Variants in GPAT4 observed in about 807,000 individuals in gnomAD.
The protein encoded by GPAT4 is glycerol-3-phosphate acyltransferase 4.
GPAT4 carries 17 observed loss-of-function variants against 58.0 expected under a neutral mutation model. The ratio of observed to expected loss-of-function variants is 0.29; its 90% CI spans 0.20 to 0.44. The LOEUF is 0.44. Ranked by LOEUF, GPAT4 falls within the 20% of genes least tolerant of loss-of-function variation. The probability of loss-of-function intolerance (pLI) is 1.00; values close to 1 mark genes in which losing one functional copy is unlikely to be tolerated. For missense variants in GPAT4, 377 were observed against 574.5 expected, an observed-to-expected ratio of 0.66 and a Z score of 3.51; for synonymous variants, 204 against 210.1, an observed-to-expected ratio of 0.97 and a Z score of 0.25.
In GPAT4 at chr8:41,609,865, C is replaced by G. The variant is rs759404870; in HGVS notation, c.446C>G (p.Thr149Ser). The G allele has an allele frequency of 6.2e-7, 1 of 1,614,210 alleles. No homozygotes were observed. Among genetic ancestry groups the G allele is most frequent in the Non-Finnish European group, 8.5e-7 (1 of 1,180,036 alleles). The change falls in exon 4 of 13, where the codon ACC becomes AGC. Residue 149 changes from threonine (T) to serine (S), a missense_variant. Coordinates refer to ENST00000396987, the MANE Select transcript of GPAT4 (RefSeq NM_178819.4). ...ELESWNLLSR[T>S]NYNFQYISLR... ...GAGTCCTGGAACCTGCTGAGCAGAACCAATTATAACTTCCAGTACATCAGC... is the reference window on the plus strand; with the variant it reads ...GAGTCCTGGAACCTGCTGAGCAGAAGCAATTATAACTTCCAGTACATCAGC...
intron 1 of GPAT4, among the ~76,000 whole-genome samples, chr8:41,580,570 C>T (rs1409674354): frequency 6.6e-6 from 1 of 152,182 alleles, no homozygotes; most frequent in African/African-American, 2.4e-5. Flanking sequence ...GATATTCTGC[C>T]TCTCCAAGGA....
intron 1 of GPAT4, among the ~76,000 whole-genome samples, chr8:41,586,608 G>A (rs371096377): frequency 2.0e-5 from 3 of 152,102 alleles, no homozygotes; most frequent in African/African-American, 7.2e-5. Flanking sequence ...AAGCAAATCC[G>A]CTTTTTCTAG....
At chr8:41,590,259 G>T (rs1563269455) in intron 1 of GPAT4, among the ~76,000 whole-genome samples, 1 of 152,046 alleles carries the variant, frequency 6.6e-6, no homozygotes, top group Non-Finnish European at 1.5e-5. Flanking sequence ...GCTAATTTTT[G>T]TATTTTTAGT....
chr8:41,594,834 C>T (rs1004105524), intron 1 of GPAT4, among the ~76,000 whole-genome samples: 3 of 152,086 alleles, frequency 2.0e-5, no homozygotes, highest in Non-Finnish European at 2.9e-5. Context: ...CGTAAGCCAC[C>T]GTGCCCGGCC....
chr8:41,591,123 T>C (rs971964673), intron 1 of GPAT4, among the ~76,000 whole-genome samples: 1 of 152,040 alleles, frequency 6.6e-6, no homozygotes, highest in African/African-American at 2.4e-5. Flanking sequence ...TTGTGATCGA[T>C]TGGGCAAGCA....
Position 41,609,837 on chromosome 8 carries a change from C to A in GPAT4, c.418C>A (p.Leu140Met). 6.2e-7 allele frequency: 1 copy of A among 1,614,238 alleles called. No homozygotes were observed. The highest frequency in any genetic ancestry group is 8.5e-7 in the Non-Finnish European group (1 of 1,180,050). Residue 140 changes from leucine (L) to methionine (M), a missense_variant, in exon 4 of 13, where the codon CTG becomes ATG. Transcript: ENST00000396987. ...GACAAAGAGATTCTCAGCAGAAGAA[C>A]TGGAGTCCTGGAACCTGCTGAGCAG... ...EVTKRFSAEE[L>M]ESWNLLSRTN...
At chr8:41,600,696 T>C (rs143914168) in intron 2 of GPAT4, among the ~76,000 whole-genome samples, 189 of 152,268 alleles carry the variant, frequency 1.2e-3, no homozygotes, top group Non-Finnish European at 2.2e-3. Flanking sequence ...TTGTTTTCTG[T>C]CCAATTCACA....
chr8:41,611,903 G>C lies in GPAT4; in HGVS notation c.612G>C (p.Arg204Ser), dbSNP rs767946041. The change falls in exon 6 of 13, where the codon AGG (arginine) becomes AGC (serine). Residue 204 changes from arginine (R) to serine (S), a missense_variant and splice_region_variant. Arg to Ser is a moderately radical substitution (Grantham distance 110). Transcript: ENST00000396987. The stretch of plus-strand genomic sequence containing the variant: ...CAGAATCCTTGTCCTGTTATTGCAG[G>C]TTTAAGGAGTTCATGAGTAAACATG... Reference protein sequence around the residue: ...TTVVGYLPNGRFKEFMSKHVH... With the variant: ...TTVVGYLPNGSFKEFMSKHVH... 2 of 1,614,140 alleles carry C rather than the reference G, an allele frequency of 1.2e-6. No individual in the cohort carries two copies. The highest frequency in any genetic ancestry group is 4.5e-5 in the East Asian group (2 of 44,890).
intron 12 of GPAT4, 78 bp from the exon 13 acceptor site, chr8:41,620,815 G>A (rs1803726065): frequency 7.2e-6 from 11 of 1,532,492 alleles, no homozygotes; most frequent in African/African-American, 1.4e-5. Flanking sequence ...TGTTTGGGCA[G>A]CATGGTGCAT....
chr8:41,603,475 G>A (rs1443568725), intron 2 of GPAT4, among the ~76,000 whole-genome samples: 1 of 149,326 alleles, frequency 6.7e-6, no homozygotes, highest in Non-Finnish European at 1.5e-5. Flanking sequence ...GCAGTGTACG[G>A]AGATCCCGCC....
At position 41,605,201 on chromosome 8, in the gene GPAT4, A is replaced by G. The variant is rs114778466; in HGVS notation, c.166-4215A>G. The stretch of plus-strand genomic sequence containing the variant: ...ACTGTGCTGAAATGCACATAGGGGT[A>G]AGTTCTGGCTGCCGCCTCTTGAGGT... On this transcript the variant is annotated intron_variant, in intron 2 of 12. Coordinates refer to ENST00000396987, the MANE Select transcript of GPAT4 (RefSeq NM_178819.4). Among the ~76,000 whole-genome samples the G allele has an allele frequency of 3.0e-3, 458 of 152,330 alleles. 3 individuals carry two copies. The highest frequency in any genetic ancestry group is 0.01 in the African/African-American group (424 of 41,574).
At chr8:41,581,631 T>C (rs1041087548) in intron 1 of GPAT4, among the ~76,000 whole-genome samples, 1 of 146,106 alleles carries the variant, frequency 6.8e-6, no homozygotes, top group Non-Finnish European at 1.5e-5. Context: ...TTGACTTTTT[T>C]TTTTTTTTTT....
Position 41,615,045 on chromosome 8 carries a change from C to G in GPAT4, c.1050C>G (p.Ile350Met), listed in dbSNP as rs1212167469. The change falls in exon 10 of 13, where the codon ATC becomes ATG. Residue 350 changes from isoleucine (I) to methionine (M), a missense_variant. Ile to Met is a conservative substitution (Grantham distance 10). Coordinates refer to ENST00000396987, the MANE Select transcript of GPAT4 (RefSeq NM_178819.4). ...EIGATVYPVA[I>M]KYDPQFGDAF... Reference sequence around the variant, plus strand: ...GAGCCACAGTTTACCCTGTTGCTATCAAGGTATAAGACCTCCGATGGTACA... The same window carrying G: ...GAGCCACAGTTTACCCTGTTGCTATGAAGGTATAAGACCTCCGATGGTACA... 2 of 1,612,302 alleles carry G rather than the reference C, an allele frequency of 1.2e-6. No homozygotes were observed. The highest frequency in any genetic ancestry group is 1.7e-6 in the Non-Finnish European group (2 of 1,178,330).
rs1803829113 is a variant in GPAT4 at position 41,623,794 on chromosome 8, C to T, written c.*2793C>T. ...ATCTTCATTGTGGTTCTCAGACAGC[C>T]TTTTTTACTCAAACATGAGACTTTC... On this transcript the variant is annotated 3_prime_UTR_variant, in exon 13 of 13. Coordinates refer to ENST00000396987, the MANE Select transcript of GPAT4 (RefSeq NM_178819.4). 6.6e-6 allele frequency: 1 copy of T among 152,046 alleles called. No individual in the cohort carries two copies. Among genetic ancestry groups the T allele is most frequent in the Admixed American group, 6.5e-5 (1 of 15,276 alleles). 9.4% of individuals were successfully genotyped at this position (152,046 alleles called of 1,614,324 possible).
chr8:41,596,868 G>A (rs889058858), intron 1 of GPAT4, among the ~76,000 whole-genome samples: 4 of 152,128 alleles, frequency 2.6e-5, no homozygotes, highest in Non-Finnish European at 4.4e-5. Context: ...TTCAAAAACC[G>A]AGCTCCCCGA....
At chr8:41,605,383 G>A (rs1177328265) in intron 2 of GPAT4, among the ~76,000 whole-genome samples, 2 of 152,218 alleles carry the variant, frequency 1.3e-5, no homozygotes, top group South Asian at 2.1e-4. Flanking sequence ...GATCCTAAAA[G>A]GGAGAAGGAT....
chr8:41,594,797 G>A lies in GPAT4; in HGVS notation c.-848-3495G>A, dbSNP rs1477089747. ...CCTGACCTTGTGATCTGCCCGCCTCGGCCTCCCAAAGTGCTGAGATTTCAG... is the reference window on the plus strand; with the variant it reads ...CCTGACCTTGTGATCTGCCCGCCTCAGCCTCCCAAAGTGCTGAGATTTCAG... On this transcript the variant is annotated intron_variant, in intron 1 of 12. Transcript: ENST00000396987. Among the ~76,000 whole-genome samples the A allele has an allele frequency of 3.9e-5, 6 of 151,930 alleles. No individual in the cohort carries two copies. The South Asian group carries it at 6.2e-4, about 16-fold the overall frequency.
chr8:41,615,057 C>G lies in GPAT4; in HGVS notation c.1053+9C>G, dbSNP rs770893199. 5.4e-5 allele frequency: 87 copies of G among 1,605,466 alleles called. No individual in the cohort carries two copies. The highest frequency in any genetic ancestry group is 7.2e-5 in the Non-Finnish European group (84 of 1,172,470). The stretch of plus-strand genomic sequence containing the variant: ...ACCCTGTTGCTATCAAGGTATAAGA[C>G]CTCCGATGGTACACACTGTCATTAC... On this transcript the variant is annotated intron_variant, in intron 10 of 12. Transcript: ENST00000396987.
chr8:41,591,182 G>GAAC (rs1802779999), intron 1 of GPAT4, among the ~76,000 whole-genome samples: 1 of 152,130 alleles, frequency 6.6e-6, no homozygotes, highest in African/African-American at 2.4e-5. Context: ...GAATGGAATA[G>GAAC]AACAGGACAG....
Sources: gnomAD v4.1 joint callset for allele counts (sites outside exome capture counted in the v4.1 genomes callset) on GRCh38, gnomAD v4.1.1 for gene constraint, MANE v1.5 for transcripts, NCBI Gene and HGNC (gene_info 2026-07-23, HGNC 2026-07-21) for gene names.